PTK2: variants seen among roughly 807,000 people sequenced by gnomAD.
The protein encoded by PTK2 is protein tyrosine kinase 2.
In PTK2, 45 loss-of-function variants were observed where a neutral mutation model predicts 150.1. The observed-to-expected ratio is 0.30, with a 90% confidence interval of 0.24 to 0.38. The LOEUF is 0.38. Ranked by LOEUF, PTK2 falls within the 10% of genes least tolerant of loss-of-function variation. The pLI is 1.00. For missense variants in PTK2, 919 were observed against 1,307.3 expected (o/e 0.70, Z 4.58); for synonymous variants, 432 against 449.2 (o/e 0.96, Z 0.48).
At chr8:140,829,792 A>C (rs1320243048) in intron 8 of PTK2, among the ~76,000 whole-genome samples, 2 of 152,138 alleles carry the variant, frequency 1.3e-5, no homozygotes, top group Admixed American at 6.5e-5. Flanking sequence ...GAAATAAGAA[A>C]CCAGGCCCAA....
At chr8:140,691,670 A>G (rs2100023297) in intron 26 of PTK2, among the ~76,000 whole-genome samples, 1 of 152,160 alleles carries the variant, frequency 6.6e-6, no homozygotes. Context: ...TAGTGAACTG[A>G]TTGTCCATGC....
chr8:140,781,877 C>A (rs2100081884), intron 14 of PTK2, among the ~76,000 whole-genome samples: 1 of 152,158 alleles, frequency 6.6e-6, no homozygotes, highest in Non-Finnish European at 1.5e-5. Flanking sequence ...CGAAGAACAC[C>A]CCGATCTCAA....
chr8:140,929,974 T>C (rs947021820), intron 1 of PTK2, among the ~76,000 whole-genome samples: 1 of 152,108 alleles, frequency 6.6e-6, no homozygotes, highest in Non-Finnish European at 1.5e-5. Context: ...CCCAAAATAA[T>C]TGGACAGAGT....
chr8:140,952,483 T>A (rs1223134909), intron 1 of PTK2, among the ~76,000 whole-genome samples: 1 of 152,164 alleles, frequency 6.6e-6, no homozygotes, highest in Admixed American at 6.5e-5. Context: ...CTGTATGACA[T>A]AATTTCCCTT....
chr8:140,739,183 A>C, intron 20 of PTK2, 76 bp from the exon 24 acceptor site: 1 of 944,544 alleles, frequency 1.1e-6, no homozygotes, highest in Non-Finnish European at 1.5e-6. Flanking sequence ...TGAGATTTTC[A>C]GTATCAAAGG....
chr8:140,956,651 A>G lies in PTK2; in HGVS notation c.-121-30902T>C, dbSNP rs186276890. Reference sequence around the variant, plus strand: ...CAGCTCCATGTGTGTTATTGCCCCTAAAGACTTTCCAGTGGGACAAGATAC... The same window carrying G: ...CAGCTCCATGTGTGTTATTGCCCCTGAAGACTTTCCAGTGGGACAAGATAC... On this transcript the variant is annotated intron_variant, in intron 1 of 31. Transcript: ENST00000522684. Among the ~76,000 whole-genome samples the G allele has an allele frequency of 2.6e-5, 4 of 152,320 alleles. No individual in the cohort carries two copies. In the East Asian group the frequency reaches 5.8e-4, roughly 22 times the overall value.
exon 32 of PTK2, chr8:140,658,846 G>A (rs1284695911): frequency 8.9e-6 from 2 of 225,600 alleles, no homozygotes; most frequent in Non-Finnish European, 1.8e-5. Flanking sequence ...CCGACCCAAT[G>A]CTTCACATAT....
intron 22 of PTK2, chr8:140,718,672 T>C (rs2100041127): frequency 6.6e-6 from 1 of 152,112 alleles, no homozygotes; most frequent in Non-Finnish European, 1.5e-5. Flanking sequence ...CTTTCTAATC[T>C]GGGAATTTGC....
At chr8:140,752,110 A>G in intron 17 of PTK2, 122 bp downstream of exon 20, 1 of 866,922 alleles carries the variant, frequency 1.2e-6, no homozygotes, top group East Asian at 2.5e-5. Context: ...TTGCAAGGCA[A>G]AATAATAAAC....
At chr8:140,828,239 T>C (rs941648867) in intron 8 of PTK2, among the ~76,000 whole-genome samples, 2 of 149,534 alleles carry the variant, frequency 1.3e-5, no homozygotes, top group African/African-American at 4.9e-5. Flanking sequence ...TTGAAGGGAG[T>C]ATTTTGCCAT....
chr8:140,953,192 T>A (rs1198874341), intron 1 of PTK2, among the ~76,000 whole-genome samples: 2 of 151,828 alleles, frequency 1.3e-5, no homozygotes, highest in Admixed American at 6.6e-5. Flanking sequence ...ATGCTCCTAG[T>A]CCCCCCCAGT....
intron 22 of PTK2, among the ~76,000 whole-genome samples, chr8:140,726,582 G>C (rs1273087250): frequency 6.6e-6 from 1 of 151,886 alleles, no homozygotes; most frequent in Non-Finnish European, 1.5e-5. Flanking sequence ...TAACAGGGCA[G>C]AAGACAGTAA....
chr8:140,973,076 T>G (rs2100187940), intron 1 of PTK2, among the ~76,000 whole-genome samples: 2 of 152,248 alleles, frequency 1.3e-5, no homozygotes, highest in African/African-American at 2.4e-5. Flanking sequence ...TGTTACTGTA[T>G]GTGGTTACAA....
chr8:140,775,500 C>A (rs1214384155), intron 14 of PTK2, among the ~76,000 whole-genome samples: 1 of 151,768 alleles, frequency 6.6e-6, no homozygotes, highest in African/African-American at 2.4e-5. Context: ...AAAACAAAAA[C>A]AAAAAGTGGG....
At chr8:140,824,660 A>T (rs533140281) in intron 8 of PTK2, among the ~76,000 whole-genome samples, 1 of 152,356 alleles carries the variant, frequency 6.6e-6, no homozygotes, top group South Asian at 2.1e-4. Flanking sequence ...CGAAAAGGAT[A>T]TCTTAGAAAG....
At chr8:140,999,138 T>C (rs1335401772) in intron 1 of PTK2, among the ~76,000 whole-genome samples, 3 of 152,226 alleles carry the variant, frequency 2.0e-5, no homozygotes, top group Admixed American at 6.5e-5. Flanking sequence ...CCAGTATTCT[T>C]TGCCCCAAAC....
chr8:140,699,285 G>T (rs115393434), intron 26 of PTK2, among the ~76,000 whole-genome samples: 1 of 152,132 alleles, frequency 6.6e-6, no homozygotes, highest in South Asian at 2.1e-4. Context: ...GCCATAATAC[G>T]ATTGAGGCAA....
intron 10 of PTK2, among the ~76,000 whole-genome samples, chr8:140,804,038 CAAAG>C (rs1390948003): frequency 6.6e-6 from 1 of 152,104 alleles, no homozygotes; most frequent in Admixed American, 6.5e-5. Context: ...CTCCCATTCC[CAAAG>C]AAAGAGGGGA....
intron 26 of PTK2, among the ~76,000 whole-genome samples, chr8:140,698,152 G>C (rs1220250618): frequency 6.6e-6 from 1 of 152,122 alleles, no homozygotes; most frequent in Non-Finnish European, 1.5e-5. Flanking sequence ...GTGACACACA[G>C]GGTCCTCTTC....
Sources: gnomAD v4.1 joint callset for allele counts (sites outside exome capture counted in the v4.1 genomes callset) on GRCh38, gnomAD v4.1.1 for gene constraint, MANE v1.5 for transcripts, NCBI Gene and HGNC (gene_info 2026-07-23, HGNC 2026-07-21) for gene names.